Variants in DACH1 observed in about 807,000 individuals in gnomAD.
DACH1 encodes dachshund family transcription factor 1.
In DACH1, 12 loss-of-function variants were observed where a neutral mutation model predicts 54.2. The observed-to-expected ratio is 0.22, with a 90% CI of 0.14 to 0.36. The LOEUF (loss-of-function observed/expected upper bound fraction) is 0.36. DACH1 is among the 10% of genes least tolerant of loss of function. The probability of loss-of-function intolerance (pLI) is 1.00; values close to 1 mark genes in which losing one functional copy is unlikely to be tolerated. For missense variants in DACH1, 805 were observed against 929.8 expected, an observed-to-expected ratio of 0.87 and a Z score of 1.75; for synonymous variants, 386 against 366.2, an observed-to-expected ratio of 1.05 and a Z score of -0.62.
intron 1 of DACH1, among the ~76,000 whole-genome samples, chr13:71,808,020 C>T (rs1887577718): frequency 6.6e-6 from 1 of 152,074 alleles, no homozygotes. Context: ...ATACATCTCC[C>T]CTGCTTAATA....
At chr13:71,557,445 G>T (rs930420262) in intron 5 of DACH1, among the ~76,000 whole-genome samples, 2 of 151,868 alleles carry the variant, frequency 1.3e-5, no homozygotes, top group Non-Finnish European at 2.9e-5. Flanking sequence ...TAAAATATAA[G>T]AATAATATAG....
chr13:71,662,113 C>T (rs1366966038), intron 2 of DACH1, among the ~76,000 whole-genome samples: 1 of 151,992 alleles, frequency 6.6e-6, no homozygotes, highest in African/African-American at 2.4e-5. Flanking sequence ...TCTAAGCAAA[C>T]AAGGCTGCTG....
chr13:71,461,968 A>G (rs1593730074), intron 10 of DACH1, among the ~76,000 whole-genome samples: 2 of 152,072 alleles, frequency 1.3e-5, no homozygotes, highest in South Asian at 4.1e-4. Context: ...TATGAAATCA[A>G]AGTTAAACAT....
intron 6 of DACH1, among the ~76,000 whole-genome samples, chr13:71,523,237 C>T (rs533276467): frequency 1.1e-4 from 16 of 152,072 alleles, no homozygotes; most frequent in Non-Finnish European, 2.4e-4. Context: ...GAAAATAAAA[C>T]TGTGTGCTGT....
intron 2 of DACH1, among the ~76,000 whole-genome samples, chr13:71,644,047 G>C (rs552324273): frequency 6.6e-6 from 1 of 152,268 alleles, no homozygotes; most frequent in East Asian, 1.9e-4. Context: ...ACAAAAGGGA[G>C]GAGGGGGACA....
rs539959235 is a variant in DACH1 at position 71,485,014 on chromosome 13, C to T, written c.1722+3983G>A. Among the ~76,000 whole-genome samples the T allele has an allele frequency of 3.3e-5, 5 of 151,898 alleles. No homozygotes were observed. In the East Asian group the frequency reaches 9.7e-4, roughly 30 times the overall value. On this transcript the variant is annotated intron_variant, in intron 7 of 10. Transcript: ENST00000613252. Reference sequence around the variant, plus strand: ...GAAGTTGCAGTGAGCCCAGATGGTGCCACTGCACTGCAGCCTGGGCGACAG... The same window carrying T: ...GAAGTTGCAGTGAGCCCAGATGGTGTCACTGCACTGCAGCCTGGGCGACAG...
At position 71,582,557 on chromosome 13, in the gene DACH1, T is replaced by C. The variant is rs140674603; in HGVS notation, c.1127-9545A>G. Among the ~76,000 whole-genome samples, 312 of 152,238 alleles carry C rather than the reference T, an allele frequency of 2.0e-3. 2 individuals are homozygous for C. The highest frequency in any genetic ancestry group is 0.015 in the South Asian group (73 of 4,816). On this transcript the variant is annotated intron_variant, in intron 3 of 10. Coordinates refer to ENST00000613252, the MANE Select transcript of DACH1 (RefSeq NM_080759.6). ...GATAATCAGTTAGGATATCCAGTAA[T>C]TACAAAGTTCATCTTAAAAACATGG...
chr13:71,725,109 G>A (rs944466001), intron 1 of DACH1, among the ~76,000 whole-genome samples: 1 of 151,948 alleles, frequency 6.6e-6, no homozygotes, highest in African/African-American at 2.4e-5. Flanking sequence ...TGAAAATAAT[G>A]GTTTTGAACA....
At chr13:71,679,953 A>C (rs1421759470) in intron 2 of DACH1, among the ~76,000 whole-genome samples, 1 of 152,050 alleles carries the variant, frequency 6.6e-6, no homozygotes, top group Non-Finnish European at 1.5e-5. Context: ...AAAAAAAAAA[A>C]AAAAAAACGG....
At chr13:71,541,484 TAAAG>T (rs1318651950) in intron 6 of DACH1, among the ~76,000 whole-genome samples, 4 of 152,092 alleles carry the variant, frequency 2.6e-5, no homozygotes, top group Non-Finnish European at 4.4e-5. Flanking sequence ...AAACATCAAT[TAAAG>T]AAATAAATTC....
At chr13:71,796,007 C>T (rs1053014087) in intron 1 of DACH1, among the ~76,000 whole-genome samples, 1 of 152,084 alleles carries the variant, frequency 6.6e-6, no homozygotes, top group African/African-American at 2.4e-5. Flanking sequence ...AGGCTGTAGA[C>T]TTCTGTTTTC....
At chr13:71,465,704 T>C (rs532412852) in intron 10 of DACH1, among the ~76,000 whole-genome samples, 2 of 152,218 alleles carry the variant, frequency 1.3e-5, no homozygotes, top group Non-Finnish European at 2.9e-5. Flanking sequence ...CTTATAAATA[T>C]ATTTTTCATA....
intron 4 of DACH1, among the ~76,000 whole-genome samples, chr13:71,568,412 G>C (rs943443523): frequency 6.6e-6 from 1 of 151,774 alleles, no homozygotes; most frequent in African/African-American, 2.4e-5. Flanking sequence ...TGTGATAGAG[G>C]GTGACTTCAA....
chr13:71,584,932 C>A (rs1441015442), intron 3 of DACH1, among the ~76,000 whole-genome samples: 1 of 151,554 alleles, frequency 6.6e-6, no homozygotes, highest in Non-Finnish European at 1.5e-5. Context: ...ATATATATAT[C>A]CAGCATGCTA....
At chr13:71,726,492 A>T (rs1801482517) in intron 1 of DACH1, among the ~76,000 whole-genome samples, 1 of 152,146 alleles carries the variant, frequency 6.6e-6, no homozygotes, top group Non-Finnish European at 1.5e-5. Context: ...TAAGTAAAAA[A>T]GTATACGCCT....
At chr13:71,594,851 T>C (rs755390431) in intron 3 of DACH1, among the ~76,000 whole-genome samples, 2 of 152,154 alleles carry the variant, frequency 1.3e-5, no homozygotes, top group Non-Finnish European at 2.9e-5. Context: ...TTGTAGGCAC[T>C]GTTCTAGTTA....
At chr13:71,666,322 A>T (rs1052867139) in intron 2 of DACH1, among the ~76,000 whole-genome samples, 15 of 152,204 alleles carry the variant, frequency 9.9e-5, no homozygotes, top group Admixed American at 3.3e-4. Context: ...TACTATGTAG[A>T]TAAGCTCAAG....
At chr13:71,551,641 G>T (rs1404351181) in intron 6 of DACH1, among the ~76,000 whole-genome samples, 2 of 151,984 alleles carry the variant, frequency 1.3e-5, no homozygotes, top group Non-Finnish European at 2.9e-5. Context: ...CTTGATTTAA[G>T]TTAGGATTTT....
intron 1 of DACH1, among the ~76,000 whole-genome samples, chr13:71,773,269 G>A (rs1301848238): frequency 6.6e-6 from 1 of 151,820 alleles, no homozygotes; most frequent in East Asian, 1.9e-4. Flanking sequence ...TATGATGTTT[G>A]TTAATGTTCT....
Sources: allele counts gnomAD v4.1 joint callset (sites outside exome capture counted in the v4.1 genomes callset), GRCh38; gene constraint gnomAD v4.1.1; transcripts MANE v1.5; gene names NCBI Gene and HGNC (gene_info 2026-07-23, HGNC 2026-07-21).